The following ARB2A variants were observed in gnomAD, a reference collection of about 807,000 sequenced individuals.
ARB2A encodes the protein cotranscriptional regulator ARB2A.
the ARB2A span, among the ~76,000 whole-genome samples, chr5:93,847,903 A>G: frequency 2.0e-5 from 3 of 152,166 alleles, no homozygotes; most frequent in Admixed American, 1.3e-4. Flanking sequence ...CGATTTTTCT[A>G]TCCTCCATAG....
At chr5:94,030,154 G>A in the ARB2A span, among the ~76,000 whole-genome samples, 5 of 152,208 alleles carry the variant, frequency 3.3e-5, no homozygotes, top group Non-Finnish European at 5.9e-5. Context: ...CGAGATTTGG[G>A]TGGGGACACA....
At chr5:93,937,885 T>C in the ARB2A span, among the ~76,000 whole-genome samples, 1 of 152,172 alleles carries the variant, frequency 6.6e-6, no homozygotes, top group East Asian at 1.9e-4. Context: ...CTATATTGTT[T>C]AGGGAATAAT....
the ARB2A span, among the ~76,000 whole-genome samples, chr5:93,686,290 G>T: frequency 0.15 from 23,234 of 152,148 alleles, 1,980 homozygotes; most frequent in Middle Eastern, 0.26. Context: ...AAGTCCAACT[G>T]TAATCCTGGG....
At chr5:93,834,535 T>C in the ARB2A span, among the ~76,000 whole-genome samples, 1 of 152,224 alleles carries the variant, frequency 6.6e-6, no homozygotes, top group African/African-American at 2.4e-5. Context: ...GGCTTTTTAC[T>C]ATATACAGTG....
At chr5:93,743,513 T>C in the ARB2A span, 1 of 981,922 alleles carries the variant, frequency 1.0e-6, no homozygotes, top group Non-Finnish European at 1.2e-6. Context: ...TTTGCTGGTA[T>C]CTATTCTCTT....
the ARB2A span, among the ~76,000 whole-genome samples, chr5:93,935,949 A>T: frequency 6.6e-6 from 1 of 152,194 alleles, no homozygotes; most frequent in African/African-American, 2.4e-5. Flanking sequence ...GGGCTATTCC[A>T]TTAAATCTTC....
chr5:94,025,336 T>C, the ARB2A span, among the ~76,000 whole-genome samples: 1 of 152,260 alleles, frequency 6.6e-6, no homozygotes, highest in Admixed American at 6.5e-5. Context: ...CTTCTCACTA[T>C]GTCCTCATGT....
chr5:93,847,406 A>T, the ARB2A span, among the ~76,000 whole-genome samples: 1 of 152,224 alleles, frequency 6.6e-6, no homozygotes, highest in Non-Finnish European at 1.5e-5. Flanking sequence ...TTTATTGTCC[A>T]TCACAAAATG....
chr5:93,811,898 T>C, the ARB2A span, among the ~76,000 whole-genome samples: 1 of 152,176 alleles, frequency 6.6e-6, no homozygotes, highest in Non-Finnish European at 1.5e-5. Flanking sequence ...AAGACACTAC[T>C]ATGAATTTTT....
chr5:94,108,743 T>C, the ARB2A span, among the ~76,000 whole-genome samples: 1 of 151,906 alleles, frequency 6.6e-6, no homozygotes, highest in Non-Finnish European at 1.5e-5. Context: ...GGAGAAATGG[T>C]GAGGATGTGG....
chr5:93,814,186 G>A, the ARB2A span, among the ~76,000 whole-genome samples: 1 of 152,062 alleles, frequency 6.6e-6, no homozygotes, highest in Non-Finnish European at 1.5e-5. Flanking sequence ...CACCATTTGA[G>A]ATCTGGTCCT....
At chr5:93,696,073 ATACT>A in the ARB2A span, among the ~76,000 whole-genome samples, 8 of 152,216 alleles carry the variant, frequency 5.3e-5, 1 homozygote, top group South Asian at 1.7e-3. Flanking sequence ...ATTAGGAGAA[ATACT>A]TAATGTAGAT....
chr5:93,781,030 T>A, the ARB2A span, among the ~76,000 whole-genome samples: 1 of 152,200 alleles, frequency 6.6e-6, no homozygotes, highest in Non-Finnish European at 1.5e-5. Flanking sequence ...TTCTTTTTTT[T>A]ATAGATTTAG....
chr5:93,869,414 AAG>A, the ARB2A span, among the ~76,000 whole-genome samples: 2 of 152,310 alleles, frequency 1.3e-5, no homozygotes, highest in Non-Finnish European at 2.9e-5. Flanking sequence ...GCTCAATTTG[AAG>A]AATTAGGAAG....
chr5:93,997,767 A>G, the ARB2A span, among the ~76,000 whole-genome samples: 6 of 152,012 alleles, frequency 3.9e-5, no homozygotes. Context: ...TCTGCACTGT[A>G]AACATCTTAA....
the ARB2A span, among the ~76,000 whole-genome samples, chr5:93,841,204 T>C: frequency 6.6e-6 from 1 of 152,282 alleles, no homozygotes; most frequent in Admixed American, 6.5e-5. Flanking sequence ...CAACTCTCCT[T>C]ATCTGTCGGT....
the ARB2A span, among the ~76,000 whole-genome samples, chr5:94,051,562 C>T: frequency 2.6e-5 from 4 of 152,170 alleles, no homozygotes; most frequent in Non-Finnish European, 1.5e-5. Context: ...CTGGTCATTT[C>T]CCCCAGGTCC....
the ARB2A span, among the ~76,000 whole-genome samples, chr5:94,028,086 T>C: frequency 6.6e-6 from 1 of 152,180 alleles, no homozygotes; most frequent in Non-Finnish European, 1.5e-5. Context: ...AAAAAACAGT[T>C]TGAGGTTTTT....
chr5:94,016,746 G>A, the ARB2A span, among the ~76,000 whole-genome samples: 198 of 152,294 alleles, frequency 1.3e-3, no homozygotes, highest in Non-Finnish European at 2.3e-3. Context: ...GGTTCTAGAA[G>A]CCATATCAGA....
Sources: gnomAD v4.1 joint callset for allele counts (sites outside exome capture counted in the v4.1 genomes callset) on GRCh38, gnomAD v4.1.1 for gene constraint, MANE v1.5 for transcripts, NCBI Gene and HGNC (gene_info 2026-07-23, HGNC 2026-07-21) for gene names.